Variants in SDK2 observed in about 807,000 individuals in gnomAD.
The protein encoded by SDK2 is protein sidekick-2.
In SDK2, 105 loss-of-function variants were observed where a neutral mutation model predicts 253.9. The ratio of observed to expected loss-of-function variants is 0.41; its 90% CI spans 0.35 to 0.49. The LOEUF (loss-of-function observed/expected upper bound fraction) is 0.49. Ranked by LOEUF, SDK2 falls within the 20% of genes least tolerant of loss-of-function variation. The pLI is 0.06. For missense variants in SDK2, 2,608 were observed against 3,003.0 expected (o/e 0.87, Z 3.07); for synonymous variants, 1,249 against 1,234.9 (o/e 1.01, Z -0.24).
In SDK2 at chr17:73,629,545, AAAG is replaced by A. The variant is rs1290405224; in HGVS notation, c.64+14477_64+14479del. Among the ~76,000 whole-genome samples, 1 of 152,110 alleles carries A rather than the reference AAAG, an allele frequency of 6.6e-6. No homozygotes were observed. Among genetic ancestry groups the A allele is most frequent in the Non-Finnish European group, 1.5e-5 (1 of 68,012 alleles). ...GCTGCTTGGTATCAGTAAGGATGAAAAAGAAGACCCCAGCATTTCCTAGGGAAG... is the reference window on the plus strand; with the variant it reads ...GCTGCTTGGTATCAGTAAGGATGAAAAAGACCCCAGCATTTCCTAGGGAAG... On this transcript the variant is annotated intron_variant, in intron 1 of 44. Coordinates refer to ENST00000392650, the MANE Select transcript of SDK2 (RefSeq NM_001144952.2). This position sits in a 1 kb window ranked among gnomAD's most constrained non-coding sequence, Gnocchi z 5.0.
At chr17:73,372,238 C>T (rs374026305) in intron 36 of SDK2, among the ~76,000 whole-genome samples, 12 of 152,156 alleles carry the variant, frequency 7.9e-5, no homozygotes, top group East Asian at 3.9e-4. Context: ...GACTGACACG[C>T]GTGCAAAGGA....
At chr17:73,528,093 GT>G (rs2064140711) in intron 1 of SDK2, among the ~76,000 whole-genome samples, 1 of 152,152 alleles carries the variant, frequency 6.6e-6, no homozygotes, top group African/African-American at 2.4e-5. Context: ...TTTTGGGCAT[GT>G]TGTGGCCAGC....
rs540106590 is a variant in SDK2 at position 73,380,264 on chromosome 17, G to T, written c.4762+630C>A. 5.3e-5 allele frequency among the ~76,000 whole-genome samples: 8 copies of T among 152,238 alleles called. No individual in the cohort carries two copies. The East Asian group carries it at 1.5e-3, about 29-fold the overall frequency. ...CCTAGCTGTCTATGCAGCCTGGGTT[G>T]GTCATTGGTTGACGGAGGAAGGAGG... On this transcript the variant is annotated intron_variant, in intron 34 of 44. Transcript: ENST00000392650.
Position 73,383,151 on chromosome 17 carries a change from G to A in SDK2, c.4705+725C>T, listed in dbSNP as rs1042060273. On this transcript the variant is annotated intron_variant, in intron 33 of 44. Transcript: ENST00000392650. This position sits in a 1 kb window ranked among gnomAD's most constrained non-coding sequence, Gnocchi z 4.3. ...CTCGGTTCCAACCTCCTGCTCTCTT[G>A]CCACGTGACTGCAACAGCCTCTATC... is the stretch of plus-strand genomic sequence containing the variant. 3.9e-5 allele frequency among the ~76,000 whole-genome samples: 6 copies of A among 152,122 alleles called. No homozygotes were observed. The highest frequency in any genetic ancestry group is 1.4e-4 in the African/African-American group (6 of 41,416).
rs926116553 is a variant in SDK2 at position 73,616,993 on chromosome 17, G to A, written c.64+27032C>T. 2.0e-5 allele frequency among the ~76,000 whole-genome samples: 3 copies of A among 152,140 alleles called. No homozygotes were observed. The highest frequency in any genetic ancestry group is 4.8e-5 in the African/African-American group (2 of 41,430). Reference sequence around the variant, plus strand: ...TTCACAGGCCCATGCATGGCACATGGGAGGCCCACGACACATGTTTATTGA... The same window carrying A: ...TTCACAGGCCCATGCATGGCACATGAGAGGCCCACGACACATGTTTATTGA... On this transcript the variant is annotated intron_variant, in intron 1 of 44. Transcript: ENST00000392650. The surrounding 1 kb of genome is among the most constrained non-coding windows in gnomAD (Gnocchi z 5.2).
chr17:73,520,896 G>A lies in SDK2; in HGVS notation c.65-13299C>T, dbSNP rs2064073120. On this transcript the variant is annotated intron_variant, in intron 1 of 44. Coordinates refer to ENST00000392650, the MANE Select transcript of SDK2 (RefSeq NM_001144952.2). Reference sequence around the variant, plus strand: ...GGCTCAGATTGGTGACTGGCAGGTGGTTGGGAGAGAGGGGAATGGGGAGTG... The same window carrying A: ...GGCTCAGATTGGTGACTGGCAGGTGATTGGGAGAGAGGGGAATGGGGAGTG... 2.0e-5 allele frequency: 3 copies of A among 152,434 alleles called. No individual in the cohort carries two copies. In the South Asian group the frequency reaches 6.2e-4, roughly 32 times the overall value. The allele number at this position is 152,434 out of a possible 1,614,324, so 9.4% of individuals were successfully genotyped here.
intron 1 of SDK2, among the ~76,000 whole-genome samples, chr17:73,623,912 C>G (rs760856224): frequency 6.6e-6 from 1 of 152,200 alleles, no homozygotes; most frequent in Non-Finnish European, 1.5e-5. Flanking sequence ...GGGGGTGATT[C>G]CTTTTCATGT....
At chr17:73,437,873 C>G in intron 7 of SDK2, 51 bp from the exon 8 acceptor site, 2 of 1,609,964 alleles carry the variant, frequency 1.2e-6, no homozygotes, top group Non-Finnish European at 1.7e-6. Context: ...TCGCTTTGAT[C>G]CAGCCACTGT....
intron 1 of SDK2, among the ~76,000 whole-genome samples, chr17:73,587,388 C>T (rs943499315): frequency 3.9e-5 from 6 of 152,242 alleles, no homozygotes; most frequent in East Asian, 3.8e-4. Flanking sequence ...TGCCAAGTAA[C>T]TTTGAGCCAA....
chr17:73,416,074 G>T, intron 16 of SDK2, 82 bp from the exon 17 acceptor site: 2 of 1,310,830 alleles, frequency 1.5e-6, no homozygotes, highest in Non-Finnish European at 2.1e-6. Context: ...GAGCAGCGCT[G>T]TCCAATAGGA....
chr17:73,487,120 G>C (rs1332723832), intron 2 of SDK2, among the ~76,000 whole-genome samples: 1 of 152,130 alleles, frequency 6.6e-6, no homozygotes, highest in Admixed American at 6.5e-5. Flanking sequence ...TTTTAGTAGA[G>C]ATGGGGTTTC....
chr17:73,630,865 C>T (rs907174797), intron 1 of SDK2, among the ~76,000 whole-genome samples: 1 of 151,950 alleles, frequency 6.6e-6, no homozygotes, highest in African/African-American at 2.4e-5. Context: ...GGCTGGCAAC[C>T]CCTCAGCACA....
intron 2 of SDK2, among the ~76,000 whole-genome samples, chr17:73,479,528 G>C (rs1275391948): frequency 2.6e-5 from 4 of 152,130 alleles, no homozygotes; most frequent in African/African-American, 9.7e-5. Context: ...ACTCTGTCCA[G>C]GGCGATCAAA....
In SDK2 at chr17:73,639,781, C is replaced by G. The variant is rs2046375746; in HGVS notation, c.64+4244G>C. Among the ~76,000 whole-genome samples the G allele has an allele frequency of 6.6e-6, 1 of 152,094 alleles. No individual in the cohort carries two copies. The highest frequency in any genetic ancestry group is 2.4e-5 in the African/African-American group (1 of 41,402). On this transcript the variant is annotated intron_variant, in intron 1 of 44. Transcript: ENST00000392650. The surrounding 1 kb of genome is among the most constrained non-coding windows in gnomAD (Gnocchi z 4.3). ...AACCACAGCCAGATCCTAGGAAAAC[C>G]AGCTATAAGGGGACAATTTCTTCAT...
At chr17:73,508,306 G>A (rs1327759170) in intron 1 of SDK2, among the ~76,000 whole-genome samples, 9 of 152,350 alleles carry the variant, frequency 5.9e-5, no homozygotes, top group African/African-American at 1.9e-4. Flanking sequence ...GCCCCGCCAC[G>A]GTTCTCTCGA....
chr17:73,377,209 C>CT (rs1255018965), intron 36 of SDK2, among the ~76,000 whole-genome samples: 107 of 143,446 alleles, frequency 7.5e-4, no homozygotes, highest in Middle Eastern at 3.6e-3. Context: ...AGACACATTC[C>CT]TTTTTTTTTT....
At position 73,455,713 on chromosome 17, in the gene SDK2, A is replaced by G. The variant is rs2145661133; in HGVS notation, c.479+193T>C. Among the ~76,000 whole-genome samples, 1 of 152,296 alleles carries G rather than the reference A, an allele frequency of 6.6e-6. No individual in the cohort carries two copies. Among genetic ancestry groups the G allele is most frequent in the South Asian group, 2.1e-4 (1 of 4,828 alleles). On this transcript the variant is annotated intron_variant, in intron 4 of 44. Transcript: ENST00000392650. The surrounding 1 kb of genome is among the most constrained non-coding windows in gnomAD (Gnocchi z 5.0). ...AGGAAGGGGACCGGGCATGGGTTTC[A>G]TGGTCCCAAGTCCTTGCCTGTGCAT...
chr17:73,521,761 A>T (rs200548748), intron 1 of SDK2, among the ~76,000 whole-genome samples: 4,685 of 152,274 alleles, frequency 0.031, 136 homozygotes, highest in East Asian at 0.1. Context: ...CTCGAGACAG[A>T]GTCAACACCT....
intron 1 of SDK2, among the ~76,000 whole-genome samples, chr17:73,589,919 A>C (rs1305362528): frequency 6.6e-6 from 1 of 152,184 alleles, no homozygotes; most frequent in African/African-American, 2.4e-5. Context: ...TGAAAAGGGG[A>C]GCGCCTTAAA....
Sources: gnomAD v4.1 joint callset for allele counts (sites outside exome capture counted in the v4.1 genomes callset) on GRCh38, gnomAD v4.1.1 for gene constraint, Gnocchi (gnomAD v3.1) non-coding constraint, MANE v1.5 for transcripts, NCBI Gene and HGNC (gene_info 2026-07-23, HGNC 2026-07-21) for gene names.